Variants in DCDC2 observed in about 807,000 individuals in gnomAD.
DCDC2 encodes the protein doublecortin domain containing 2.
DCDC2 carries 40 observed loss-of-function variants against 50.2 expected under a neutral mutation model. That is an observed-to-expected ratio of 0.80 (90% CI 0.62 to 1.04). The LOEUF (loss-of-function observed/expected upper bound fraction) is 1.04, where lower values mean the gene tolerates loss of function less well. DCDC2 is among the 50% of genes least tolerant of loss of function. DCDC2 has a pLI of 0.00. For missense variants in DCDC2, 570 were observed against 581.9 expected, an observed-to-expected ratio of 0.98 and a Z score of 0.21; for synonymous variants, 234 against 210.6, an observed-to-expected ratio of 1.11 and a Z score of -0.96.
At chr6:24,181,748 A>G (rs1245799368) in intron 8 of DCDC2, among the ~76,000 whole-genome samples, 2 of 152,246 alleles carry the variant, frequency 1.3e-5, no homozygotes, top group Non-Finnish European at 2.9e-5. Context: ...TAAGAGGTCA[A>G]TATTATCCAA....
intron 2 of DCDC2, among the ~76,000 whole-genome samples, chr6:24,319,280 T>G (rs1322795538): frequency 1.2e-5 from 1 of 83,400 alleles, no homozygotes; most frequent in East Asian, 3.9e-4. Flanking sequence ...ATGAAATTAT[T>G]TGTGGGGTTT....
At chr6:24,365,093 G>C in the DCDC2 span, among the ~76,000 whole-genome samples, 1 of 148,616 alleles carries the variant, frequency 6.7e-6, no homozygotes. Flanking sequence ...TCTGGTAATG[G>C]CTAACCTCTC....
chr6:24,346,528 G>A (rs533998426), intron 2 of DCDC2, among the ~76,000 whole-genome samples: 2 of 152,222 alleles, frequency 1.3e-5, no homozygotes, highest in East Asian at 1.9e-4. Context: ...GGCCAAGGTG[G>A]GTGGATCACC....
chr6:24,202,729 GA>G (rs1291594346), intron 8 of DCDC2, among the ~76,000 whole-genome samples: 3 of 152,134 alleles, frequency 2.0e-5, no homozygotes, highest in Non-Finnish European at 2.9e-5. Flanking sequence ...TGTATATCTA[GA>G]AAACTCCAAG....
At position 24,327,475 on chromosome 6, in the gene DCDC2, T is replaced by TTGATTG. The variant is rs879459149; in HGVS notation, c.349-25432_349-25431insCAATCA. On this transcript the variant is annotated intron_variant, in intron 2 of 9. Transcript: ENST00000378454. ...AAACTTATTTATTTATTTATTTATT[T>TTGATTG]ATTTATTTATTGGCTGATACGGAGT... 4.9e-3 allele frequency among the ~76,000 whole-genome samples: 635 copies of TTGATTG among 129,406 alleles called. 41 individuals are homozygous for TTGATTG. The highest frequency in any genetic ancestry group is 6.9e-3 in the Non-Finnish European group (402 of 58,510). The allele number at this position is 129,406 out of a possible 152,430, so 84.9% of individuals were successfully genotyped here.
chr6:24,287,392 G>C (rs1251599053), intron 6 of DCDC2, among the ~76,000 whole-genome samples: 1 of 152,108 alleles, frequency 6.6e-6, no homozygotes, highest in African/African-American at 2.4e-5. Flanking sequence ...GTCTCACTCT[G>C]TTGCCCAGGC....
At chr6:24,283,689 T>C (rs553823297) in intron 6 of DCDC2, among the ~76,000 whole-genome samples, 1 of 152,262 alleles carries the variant, frequency 6.6e-6, no homozygotes, top group Non-Finnish European at 1.5e-5. Flanking sequence ...GCTAATGATC[T>C]ATAAAATGCA....
intron 2 of DCDC2, among the ~76,000 whole-genome samples, chr6:24,318,055 G>A (rs1251535712): frequency 6.6e-6 from 1 of 151,696 alleles, no homozygotes; most frequent in African/African-American, 2.4e-5. Context: ...ATAGGAACAC[G>A]AATTGGCACA....
At chr6:24,302,959 C>T (rs1228777609) in intron 2 of DCDC2, among the ~76,000 whole-genome samples, 1 of 152,094 alleles carries the variant, frequency 6.6e-6, no homozygotes, top group Admixed American at 6.6e-5. Context: ...AGCCCCTCAA[C>T]TTTCCTTCCC....
chr6:24,357,333 A>G, intron 1 of DCDC2, 125 bp downstream of exon 1: 3 of 1,168,462 alleles, frequency 2.6e-6, no homozygotes, highest in Non-Finnish European at 3.5e-6. Context: ...AGGGGCATCA[A>G]TCACACCGAG....
chr6:24,333,968 G>C (rs1760012119), intron 2 of DCDC2, among the ~76,000 whole-genome samples: 1 of 152,186 alleles, frequency 6.6e-6, no homozygotes, highest in Admixed American at 6.5e-5. Flanking sequence ...GGAATGGATA[G>C]TGGGAAGTGA....
intron 8 of DCDC2, among the ~76,000 whole-genome samples, chr6:24,183,828 G>C (rs1761135022): frequency 6.6e-6 from 1 of 152,178 alleles, no homozygotes; most frequent in Non-Finnish European, 1.5e-5. Context: ...TTACAATGTG[G>C]AATGAGGCGA....
At chr6:24,177,225 CTA>C (rs1760942145) in intron 9 of DCDC2, among the ~76,000 whole-genome samples, 1 of 152,166 alleles carries the variant, frequency 6.6e-6, no homozygotes, top group African/African-American at 2.4e-5. Context: ...TAGAATAGGA[CTA>C]TGATTATCTC....
intron 8 of DCDC2, among the ~76,000 whole-genome samples, chr6:24,184,839 T>C (rs1482894310): frequency 1.3e-5 from 2 of 152,210 alleles, no homozygotes; most frequent in Non-Finnish European, 2.9e-5. Context: ...GTGCCTAAAC[T>C]TGCCCTATTA....
chr6:24,337,080 G>A (rs377351864), intron 2 of DCDC2, among the ~76,000 whole-genome samples: 114 of 152,128 alleles, frequency 7.5e-4, no homozygotes, highest in African/African-American at 2.4e-3. Context: ...TTCAAGTTGC[G>A]TTTTTTGCTT....
intron 7 of DCDC2, among the ~76,000 whole-genome samples, chr6:24,248,705 T>C (rs1051539221): frequency 3.9e-5 from 6 of 152,174 alleles, no homozygotes; most frequent in Non-Finnish European, 8.8e-5. Flanking sequence ...CACCTGTTAA[T>C]TGATGACTTA....
At chr6:24,180,446 G>T (rs747410492) in intron 8 of DCDC2, among the ~76,000 whole-genome samples, 1 of 151,870 alleles carries the variant, frequency 6.6e-6, no homozygotes, top group Non-Finnish European at 1.5e-5. Flanking sequence ...CACCACGCCC[G>T]GCTAAATTTT....
At position 24,210,557 on chromosome 6, in the gene DCDC2, T is replaced by G. The variant is rs576862477; in HGVS notation, c.923-5455A>C. Among the ~76,000 whole-genome samples the G allele has an allele frequency of 2.6e-5, 4 of 152,334 alleles. No homozygotes were observed. The South Asian group carries it at 8.3e-4, about 32-fold the overall frequency. ...TTCTCAATTCAATCTCCTTTTAAAA[T>G]GTATCTCAAATATATTCATTTATTT... On this transcript the variant is annotated intron_variant, in intron 7 of 9. Coordinates refer to ENST00000378454, the MANE Select transcript of DCDC2 (RefSeq NM_016356.5).
intron 9 of DCDC2, among the ~76,000 whole-genome samples, 155 bp from the exon 10 acceptor site, chr6:24,174,989 T>A (rs1760870950): frequency 6.6e-6 from 1 of 152,196 alleles, no homozygotes; most frequent in South Asian, 2.1e-4. Flanking sequence ...TTGTCTATCA[T>A]TACCCAGTGG....
Sources: gnomAD v4.1 joint callset for allele counts (sites outside exome capture counted in the v4.1 genomes callset) on GRCh38, gnomAD v4.1.1 for gene constraint, MANE v1.5 for transcripts, NCBI Gene and HGNC (gene_info 2026-07-23, HGNC 2026-07-21) for gene names.